Variants in PCDHA1 observed in about 807,000 individuals in gnomAD.
The protein encoded by PCDHA1 is protocadherin alpha-1.
PCDHA1 carries 42 observed loss-of-function variants against 61.3 expected under a neutral mutation model. The observed-to-expected ratio is 0.69, with a 90% CI of 0.54 to 0.89. The LOEUF is 0.89. Ranked by LOEUF, PCDHA1 falls within the 40% of genes least tolerant of loss-of-function variation. The probability of loss-of-function intolerance (pLI) is 0.00; values close to 1 mark genes in which losing one functional copy is unlikely to be tolerated. For missense variants in PCDHA1, 1,256 were observed against 1,235.3 expected, an observed-to-expected ratio of 1.02 and a Z score of -0.25; for synonymous variants, 610 against 553.8, an observed-to-expected ratio of 1.10 and a Z score of -1.43.
chr5:140,839,259 C>CATGT (rs1776124164), intron 1 of PCDHA1, among the ~76,000 whole-genome samples: 1 of 152,020 alleles, frequency 6.6e-6, no homozygotes, highest in African/African-American at 2.4e-5. Flanking sequence ...TGCTTACATG[C>CATGT]ATGTATATTT....
chr5:140,911,729 C>G (rs571299791), intron 1 of PCDHA1, among the ~76,000 whole-genome samples: 1 of 152,134 alleles, frequency 6.6e-6, no homozygotes, highest in Non-Finnish European at 1.5e-5. Flanking sequence ...GTAAACAGTT[C>G]GTGCCAAGGA....
chr5:140,913,284 G>A (rs1201275371), intron 1 of PCDHA1, among the ~76,000 whole-genome samples: 1 of 152,026 alleles, frequency 6.6e-6, no homozygotes, highest in Non-Finnish European at 1.5e-5. Context: ...GTCTGTTTAG[G>A]TTTTAATTTC....
Position 141,010,368 on chromosome 5 carries a change from C to A in PCDHA1, c.*431C>A. On this transcript the variant is annotated 3_prime_UTR_variant, in exon 4 of 4. Transcript: ENST00000504120. ...GGTATGTGTGGCTACCGCGGGTATG[C>A]GAGTGCCAGATATTGGCTGAGACGA... 2 of 1,471,050 alleles carry A rather than the reference C, an allele frequency of 1.4e-6. No homozygotes were observed. Among genetic ancestry groups the A allele is most frequent in the Non-Finnish European group, 1.8e-6 (2 of 1,106,904 alleles). The allele number at this position is 1,471,050 out of a possible 1,614,324, so 91.1% of individuals were successfully genotyped here. A position where few individuals can be genotyped will look rare whatever the true frequency, so the allele number is the denominator to read the frequency against.
chr5:140,873,318 G>A (rs1164778902), intron 1 of PCDHA1, among the ~76,000 whole-genome samples: 1 of 152,168 alleles, frequency 6.6e-6, no homozygotes, highest in Non-Finnish European at 1.5e-5. Context: ...GTGAATATTA[G>A]ATAGGGCATA....
At chr5:140,823,662 G>T in intron 1 of PCDHA1, 1 of 1,614,064 alleles carries the variant, frequency 6.2e-7, no homozygotes, top group Non-Finnish European at 8.5e-7. Context: ...ACACAGGCGA[G>T]ATCAGCACAA....
chr5:140,990,195 A>C (rs1030331876), intron 3 of PCDHA1, among the ~76,000 whole-genome samples: 1 of 152,012 alleles, frequency 6.6e-6, no homozygotes, highest in Non-Finnish European at 1.5e-5. Flanking sequence ...CCAAATGTGG[A>C]CCCGAAAGAG....
At chr5:140,878,837 A>G (rs6885420) in intron 1 of PCDHA1, among the ~76,000 whole-genome samples, 4 of 152,334 alleles carry the variant, frequency 2.6e-5, no homozygotes, top group Admixed American at 2.6e-4. Context: ...AGGCTGGACT[A>G]GAACTTCTGG....
intron 1 of PCDHA1, among the ~76,000 whole-genome samples, chr5:140,826,499 A>G (rs1227877978): frequency 1.3e-5 from 2 of 152,186 alleles, no homozygotes; most frequent in Non-Finnish European, 2.9e-5. Flanking sequence ...TTTTGGAGTA[A>G]GGTGAAGATG....
intron 1 of PCDHA1, among the ~76,000 whole-genome samples, chr5:140,905,438 C>T (rs182288757): frequency 1.5e-4 from 23 of 152,228 alleles, no homozygotes; most frequent in Non-Finnish European, 2.4e-4. Flanking sequence ...TAACTACAGC[C>T]TTTTAGTATA....
intron 1 of PCDHA1, chr5:140,810,657 T>A (rs1334906011): frequency 7.1e-6 from 1 of 140,010 alleles, no homozygotes; most frequent in Non-Finnish European, 1.5e-5. Context: ...CTCTAGTCTG[T>A]TGTTTTTCTT....
At chr5:140,850,781 G>C (rs2150498025) in intron 1 of PCDHA1, 2 of 1,598,096 alleles carry the variant, frequency 1.3e-6, no homozygotes, top group African/African-American at 2.7e-5. Context: ...GCTCTGGCGA[G>C]GGTAAGCAGA....
At chr5:140,905,787 G>C (rs1468265319) in intron 1 of PCDHA1, among the ~76,000 whole-genome samples, 1 of 152,012 alleles carries the variant, frequency 6.6e-6, no homozygotes, top group African/African-American at 2.4e-5. Flanking sequence ...TATTAGTCAG[G>C]GTTCTCTAGA....
At position 140,876,037 on chromosome 5, in the gene PCDHA1, A is replaced by G. The variant is rs1554168212; in HGVS notation, c.2394+87353A>G. On this transcript the variant is annotated intron_variant, in intron 1 of 3. Transcript: ENST00000504120. ...TAAAATAAAAACAAAAAAAGATAAA[A>G]GTATATTGCCTGAATTAGTTCTTCG... is the stretch of plus-strand genomic sequence containing the variant. 1.9e-6 allele frequency: 3 copies of G among 1,613,766 alleles called. No homozygotes were observed. Among genetic ancestry groups the G allele is most frequent in the South Asian group, 2.2e-5 (2 of 91,050 alleles).
In PCDHA1 at chr5:140,828,940, C is replaced by G. The variant is rs2150161042; in HGVS notation, c.2394+40256C>G. The G allele has an allele frequency of 9.3e-6, 15 of 1,614,160 alleles. No homozygotes were observed. In the South Asian group the frequency reaches 1.4e-4, roughly 15 times the overall value. Reference sequence around the variant, plus strand: ...GGGCAATTTCATATTCTTTTAATAGCCTTGTTGCAGCCATGGTTATTGACC... The same window carrying G: ...GGGCAATTTCATATTCTTTTAATAGGCTTGTTGCAGCCATGGTTATTGACC... On this transcript the variant is annotated intron_variant, in intron 1 of 3. Coordinates refer to ENST00000504120, the MANE Select transcript of PCDHA1 (RefSeq NM_018900.4).
intron 1 of PCDHA1, chr5:140,836,765 A>G (rs200916074): frequency 3.4e-5 from 53 of 1,563,040 alleles, no homozygotes; most frequent in Middle Eastern, 1.7e-4. Context: ...CTTGTTTCCA[A>G]CAATTTTAAA....
intron 1 of PCDHA1, chr5:140,968,964 G>A (rs782792392): frequency 7.4e-6 from 12 of 1,614,136 alleles, no homozygotes; most frequent in East Asian, 4.5e-5. Context: ...AAGTGCTACC[G>A]CTACACTGCG....
intron 1 of PCDHA1, among the ~76,000 whole-genome samples, chr5:140,838,633 T>C (rs1417814088): frequency 6.6e-6 from 1 of 151,988 alleles, no homozygotes; most frequent in Non-Finnish European, 1.5e-5. Flanking sequence ...AATAATTTGG[T>C]TGGTCAAAAA....
chr5:140,801,635 A>C (rs781834713), intron 1 of PCDHA1: 12 of 1,614,064 alleles, frequency 7.4e-6, no homozygotes, highest in Non-Finnish European at 9.3e-6. Flanking sequence ...CCGAATCCCG[A>C]CAGCCTGGCT....
rs551685820 is a variant in PCDHA1, at chr5:140,967,997, C to G, written c.2395-10952C>G. On this transcript the variant is annotated intron_variant, in intron 1 of 3. Transcript: ENST00000504120. ...GGGTCTGGAGGCCACACTGCCTTTC[C>G]GACTGAATGGCTTTGGAAACTCCTA... is the stretch of plus-strand genomic sequence containing the variant. The G allele has an allele frequency of 4.3e-6, 7 of 1,614,220 alleles. No individual in the cohort carries two copies. In the African/African-American group the frequency reaches 6.7e-5, roughly 15 times the overall value.
Sources: allele counts gnomAD v4.1 joint callset (sites outside exome capture counted in the v4.1 genomes callset), GRCh38; gene constraint gnomAD v4.1.1; transcripts MANE v1.5; gene names NCBI Gene and HGNC (gene_info 2026-07-23, HGNC 2026-07-21).